GRB14: variants seen among roughly 807,000 people sequenced by gnomAD.
The protein encoded by GRB14 is growth factor receptor bound protein 14, also known as growth factor receptor-bound protein 14.
Under a neutral mutation model 69.1 loss-of-function variants are expected in GRB14, and 38 were observed. The ratio of observed to expected loss-of-function variants is 0.55; its 90% confidence interval spans 0.42 to 0.72. The LOEUF (loss-of-function observed/expected upper bound fraction) is 0.72. GRB14 is among the 30% of genes least tolerant of loss of function. The probability of loss-of-function intolerance (pLI) is 0.00; values close to 1 mark genes in which losing one functional copy is unlikely to be tolerated. For synonymous variants in GRB14, 247 were observed against 241.3 expected (o/e 1.02, Z -0.22); for missense variants, 666 against 666.1 (o/e 1.00, Z 0.00).
chr2:164,573,349 T>C (rs1689165247), intron 2 of GRB14, among the ~76,000 whole-genome samples: 1 of 152,190 alleles, frequency 6.6e-6, no homozygotes, highest in Non-Finnish European at 1.5e-5. Flanking sequence ...TCCTTTCTCA[T>C]CTTAACAATT....
At chr2:164,582,567 C>T (rs1321994702) in intron 2 of GRB14, among the ~76,000 whole-genome samples, 1 of 151,950 alleles carries the variant, frequency 6.6e-6, no homozygotes, top group African/African-American at 2.4e-5. Flanking sequence ...ATTACAGTCA[C>T]CCGCCACCAT....
chr2:164,505,645 ATG>A (rs1474835919), intron 8 of GRB14, among the ~76,000 whole-genome samples: 1 of 152,154 alleles, frequency 6.6e-6, no homozygotes, highest in Non-Finnish European at 1.5e-5. Flanking sequence ...TTTTATATTT[ATG>A]TGTGTATATA....
chr2:164,569,588 A>G (rs944514519), intron 2 of GRB14, among the ~76,000 whole-genome samples: 1 of 152,114 alleles, frequency 6.6e-6, no homozygotes, highest in African/African-American at 2.4e-5. Context: ...CAAACTTTCC[A>G]TTTCGTTATC....
At chr2:164,570,820 T>C (rs573556141) in intron 2 of GRB14, among the ~76,000 whole-genome samples, 1 of 152,170 alleles carries the variant, frequency 6.6e-6, no homozygotes, top group Non-Finnish European at 1.5e-5. Context: ...CCTGTATAGA[T>C]TACAGTGCAA....
chr2:164,553,013 G>A (rs577933899), intron 2 of GRB14, among the ~76,000 whole-genome samples: 5 of 152,282 alleles, frequency 3.3e-5, no homozygotes, highest in African/African-American at 1.2e-4. Flanking sequence ...TGGGGGGCCT[G>A]AAGAATGATC....
intron 2 of GRB14, among the ~76,000 whole-genome samples, chr2:164,598,009 C>T (rs1007257585): frequency 1.3e-5 from 2 of 151,924 alleles, no homozygotes; most frequent in Non-Finnish European, 2.9e-5. Context: ...CTGAACCATG[C>T]TGTTTCTTCA....
chr2:164,561,527 G>C (rs1183541743), intron 2 of GRB14, among the ~76,000 whole-genome samples: 2 of 152,136 alleles, frequency 1.3e-5, no homozygotes, highest in Non-Finnish European at 2.9e-5. Flanking sequence ...GAAAAGGTGA[G>C]ATTCGTCCCA....
intron 2 of GRB14, among the ~76,000 whole-genome samples, chr2:164,561,451 G>A (rs1688827148): frequency 6.6e-6 from 1 of 152,176 alleles, no homozygotes; most frequent in Non-Finnish European, 1.5e-5. Context: ...GAATCACTAT[G>A]TCTTTGAGGC....
intron 2 of GRB14, among the ~76,000 whole-genome samples, chr2:164,563,576 A>C (rs1688889193): frequency 6.6e-6 from 1 of 152,242 alleles, no homozygotes; most frequent in Admixed American, 6.5e-5. Context: ...CTGGAAATTT[A>C]CATTTATCTT....
At chr2:164,525,957 T>C (rs1687760051) in intron 4 of GRB14, among the ~76,000 whole-genome samples, 1 of 152,044 alleles carries the variant, frequency 6.6e-6, no homozygotes, top group South Asian at 2.1e-4. Flanking sequence ...GCAATAGGTC[T>C]ACAAAACAAA....
chr2:164,516,600 A>T (rs372070945), intron 6 of GRB14, among the ~76,000 whole-genome samples: 2 of 152,214 alleles, frequency 1.3e-5, no homozygotes, highest in East Asian at 3.8e-4. Context: ...CAAAATAATT[A>T]TCAGCCAAAA....
intron 2 of GRB14, among the ~76,000 whole-genome samples, chr2:164,592,707 TTC>T (rs1689694816): frequency 6.6e-6 from 1 of 152,198 alleles, no homozygotes; most frequent in Non-Finnish European, 1.5e-5. Context: ...ATTGTAAGAC[TTC>T]TCTCTCTGCT....
chr2:164,589,587 CTG>C (rs1198551965), intron 2 of GRB14, among the ~76,000 whole-genome samples: 1 of 152,068 alleles, frequency 6.6e-6, no homozygotes, highest in African/African-American at 2.4e-5. Flanking sequence ...ACAACCAGCT[CTG>C]TCCAGAGCTC....
intron 9 of GRB14, among the ~76,000 whole-genome samples, chr2:164,501,217 A>G (rs771439077): frequency 2.0e-5 from 3 of 152,090 alleles, no homozygotes; most frequent in Admixed American, 6.6e-5. Context: ...TTATTCTTCC[A>G]TAAGTTAAAG....
Position 164,508,782 on chromosome 2 carries a change from T to C in GRB14, c.887A>G (p.Lys296Arg), listed in dbSNP as rs754663674. The C allele has an allele frequency of 6.3e-7, 1 of 1,594,648 alleles. No homozygotes were observed. Among genetic ancestry groups the C allele is most frequent in the South Asian group, 1.2e-5 (1 of 85,690 alleles). The stretch of plus-strand genomic sequence containing the variant: ...ATAGTTAGTCGGTGCTCCATGTTTT[T>C]TTTTGCCTGCCAGTGACACATAAAT... Reference protein sequence around the residue: ...SDIYVSLAGKKKHGAPTNYGF... With the variant: ...SDIYVSLAGKRKHGAPTNYGF... The change falls in exon 7 of 14, where the codon AAA becomes AGA. Residue 296 changes from lysine (K) to arginine (R), a missense_variant. Physicochemically the swap from Lys to Arg is conservative, Grantham distance 26 (BLOSUM62 2). Coordinates refer to ENST00000263915, the MANE Select transcript of GRB14 (RefSeq NM_004490.3).
chr2:164,502,651 T>TAA lies in GRB14; in HGVS notation c.1024-318_1024-317dup, dbSNP rs569764293. 4.0e-3 allele frequency among the ~76,000 whole-genome samples: 562 copies of TAA among 141,560 alleles called. 3 individuals carry two copies. The highest frequency in any genetic ancestry group is 0.011 in the African/African-American group (414 of 38,518). 92.9% of individuals were successfully genotyped at this position (141,560 alleles called of 152,430 possible). On this transcript the variant is annotated intron_variant, in intron 8 of 13. Transcript: ENST00000263915. ...TCTGGAGTAGTACACTGCCTCATGATAAAAAAAAAAAAACTCACTTGGGAA... is the reference window on the plus strand; with the variant it reads ...TCTGGAGTAGTACACTGCCTCATGATAAAAAAAAAAAAAAACTCACTTGGGAA...
chr2:164,555,389 T>C (rs1160772145), intron 2 of GRB14, among the ~76,000 whole-genome samples: 1 of 151,884 alleles, frequency 6.6e-6, no homozygotes, highest in Non-Finnish European at 1.5e-5. Context: ...AGAAGAGAAA[T>C]CATCATTCAG....
In GRB14 at chr2:164,502,341, GAATA is replaced by G. The variant is rs1559022195; in HGVS notation, c.1024-10_1024-7del. Reference sequence around the variant, plus strand: ...TGGTACAGCTGCATGCCATACTGCAGAATAAATAAATAAAACACATTCCCACCAC... The same window carrying G: ...TGGTACAGCTGCATGCCATACTGCAGAATAAATAAAACACATTCCCACCAC... On this transcript the variant is annotated splice_region_variant and splice_polypyrimidine_tract_variant and intron_variant, in intron 8 of 13. Transcript: ENST00000263915. 1 of 1,509,540 alleles carries G rather than the reference GAATA, an allele frequency of 6.6e-7. No individual in the cohort carries two copies. The highest frequency in any genetic ancestry group is 9.2e-7 in the Non-Finnish European group (1 of 1,087,780). The allele number at this position is 1,509,540 out of a possible 1,614,324, so 93.5% of individuals were successfully genotyped here.
intron 2 of GRB14, among the ~76,000 whole-genome samples, chr2:164,610,312 G>A (rs1690136897): frequency 6.6e-6 from 1 of 152,088 alleles, no homozygotes; most frequent in Non-Finnish European, 1.5e-5. Flanking sequence ...TAAAGCTGTG[G>A]ATCTTATGAA....
Sources: gnomAD v4.1 joint callset for allele counts (sites outside exome capture counted in the v4.1 genomes callset) on GRCh38, gnomAD v4.1.1 for gene constraint, MANE v1.5 for transcripts, NCBI Gene and HGNC (gene_info 2026-07-23, HGNC 2026-07-21) for gene names.